Variants in PIP4K2B observed in about 807,000 individuals in gnomAD.
PIP4K2B encodes phosphatidylinositol 5-phosphate 4-kinase type-2 beta.
In PIP4K2B, 3 loss-of-function variants were observed where a neutral mutation model predicts 42.0. The ratio of observed to expected loss-of-function variants is 0.07; its 90% CI spans 0.03 to 0.18. The LOEUF is 0.18. Among genes scored for constraint, PIP4K2B ranks in the 10% least tolerant of loss-of-function variants. The pLI, the probability that PIP4K2B is intolerant of heterozygous loss-of-function variation, is 1.00. For missense variants in PIP4K2B, 332 were observed against 562.3 expected (o/e 0.59, Z 4.14); for synonymous variants, 204 against 210.1 (o/e 0.97, Z 0.25).
chr17:38,782,051 C>T (rs1909747133), intron 3 of PIP4K2B, among the ~76,000 whole-genome samples: 1 of 152,162 alleles, frequency 6.6e-6, no homozygotes. Flanking sequence ...GGACCACCTT[C>T]ATGGGGAAAA....
At chr17:38,785,394 G>A (rs1249988209) in intron 2 of PIP4K2B, among the ~76,000 whole-genome samples, 3 of 152,210 alleles carry the variant, frequency 2.0e-5, no homozygotes, top group African/African-American at 7.2e-5. Flanking sequence ...ATACAGGGCT[G>A]GGCAAGGTGG....
chr17:38,788,561 T>C (rs1910167100), intron 1 of PIP4K2B, among the ~76,000 whole-genome samples: 2 of 151,544 alleles, frequency 1.3e-5, no homozygotes, highest in South Asian at 4.2e-4. Flanking sequence ...ACCCTCCTGA[T>C]AAAAGCAGGG....
intron 7 of PIP4K2B, among the ~76,000 whole-genome samples, chr17:38,777,273 T>C (rs893085703): frequency 1.3e-5 from 2 of 152,090 alleles, no homozygotes; most frequent in African/African-American, 2.4e-5. Flanking sequence ...CTATGTTGCC[T>C]AGGCTGGTAT....
chr17:38,793,037 T>G (rs1218481540), intron 1 of PIP4K2B, among the ~76,000 whole-genome samples: 1 of 152,022 alleles, frequency 6.6e-6, no homozygotes, highest in East Asian at 1.9e-4. Flanking sequence ...CAAGCCATTC[T>G]CCTGCCTCAG....
chr17:38,786,689 T>G (rs770827249), intron 2 of PIP4K2B, 134 bp downstream of exon 2: 43 of 712,930 alleles, frequency 6.0e-5, no homozygotes, highest in South Asian at 3.1e-4. Flanking sequence ...GTTTGTCCGC[T>G]CTGAGATCCA....
In PIP4K2B at chr17:38,799,032, G is replaced by A. The variant is rs1014140799; in HGVS notation, c.159+234C>T. Among the ~76,000 whole-genome samples, 3 of 152,232 alleles carry A rather than the reference G, an allele frequency of 2.0e-5. No homozygotes were observed. Among genetic ancestry groups the A allele is most frequent in the Admixed American group, 2.0e-4 (3 of 15,292 alleles). On this transcript the variant is annotated intron_variant, in intron 1 of 9. Coordinates refer to ENST00000619039, the MANE Select transcript of PIP4K2B (RefSeq NM_003559.5). This position sits in a 1 kb window ranked among gnomAD's most constrained non-coding sequence, Gnocchi z 4.4. ...GCACGCCACACGCAGGAAGCCAGAA[G>A]GGCTGGAGGGAAGGGGAGGTGGCGA...
intron 1 of PIP4K2B, among the ~76,000 whole-genome samples, chr17:38,796,948 CTCT>C (rs1910687219): frequency 6.6e-6 from 1 of 152,128 alleles, no homozygotes; most frequent in Non-Finnish European, 1.5e-5. Context: ...CAAGATTACA[CTCT>C]TCTTCTAGGC....
chr17:38,774,988 C>T lies in PIP4K2B; in HGVS notation c.807+2699G>A, dbSNP rs1315668096. 3.3e-5 allele frequency among the ~76,000 whole-genome samples: 5 copies of T among 151,640 alleles called. No individual in the cohort carries two copies. The South Asian group carries it at 8.3e-4, about 25-fold the overall frequency. On this transcript the variant is annotated intron_variant, in intron 7 of 9. Coordinates refer to ENST00000619039, the MANE Select transcript of PIP4K2B (RefSeq NM_003559.5). ...TTTTTGAGATGAGGTCTCGTTCTGT[C>T]GCCCAGGCTGGAGTGCAGTGGCACG...
At chr17:38,779,719 T>C (rs1909591590) in intron 4 of PIP4K2B, 190 bp from the exon 5 acceptor site, 1 of 544,456 alleles carries the variant, frequency 1.8e-6, no homozygotes, top group Non-Finnish European at 3.3e-6. Flanking sequence ...ACCTCCAGCC[T>C]CCTGTTGGCA....
intron 7 of PIP4K2B, among the ~76,000 whole-genome samples, chr17:38,774,209 G>A (rs1160663849): frequency 6.6e-6 from 1 of 152,228 alleles, no homozygotes; most frequent in Admixed American, 6.5e-5. Context: ...GGGTGTGTCT[G>A]TGAGGGTTTC....
chr17:38,793,668 C>T (rs1320259530), intron 1 of PIP4K2B, among the ~76,000 whole-genome samples: 2 of 152,118 alleles, frequency 1.3e-5, no homozygotes, highest in African/African-American at 2.4e-5. Context: ...CCCAGGATTT[C>T]GAGACCAGCC....
chr17:38,799,136 TG>T lies in PIP4K2B; in HGVS notation c.159+129del. On this transcript the variant is annotated intron_variant, in intron 1 of 9. Coordinates refer to ENST00000619039, the MANE Select transcript of PIP4K2B (RefSeq NM_003559.5). The surrounding 1 kb of genome is among the most constrained non-coding windows in gnomAD (Gnocchi z 4.4). The stretch of plus-strand genomic sequence containing the variant: ...GGCCGAAAGGCGTGCAAGGGTGGGG[TG>T]GGCGTGCAAGTGGCTTGGCGAGGGG... The T allele has an allele frequency of 1.1e-6, 1 of 912,530 alleles. No individual in the cohort carries two copies. The highest frequency in any genetic ancestry group is 1.5e-6 in the Non-Finnish European group (1 of 653,632). The allele number at this position is 912,530 out of a possible 1,614,324, so 56.5% of individuals were successfully genotyped here.
intron 2 of PIP4K2B, among the ~76,000 whole-genome samples, chr17:38,785,335 T>C (rs927934046): frequency 6.6e-6 from 1 of 152,182 alleles, no homozygotes; most frequent in Non-Finnish European, 1.5e-5. Context: ...CTATCTGCCT[T>C]ATCTACCCCG....
Position 38,799,341 on chromosome 17 carries a change from G to T in PIP4K2B, c.84C>A (p.Phe28Leu). ...GGAATAGCTTCACTTTCTGGCACAC[G>T]AAATGCTTCTTCTTGGTCTTGGTCT... ...ASKTKTKKKH[F>L]VCQKVKLFRA... Residue 28 changes from phenylalanine to leucine, a missense_variant, in exon 1 of 10, where the codon TTC (phenylalanine) becomes TTA (leucine). By Grantham distance (22) the Phe-to-Leu change is conservative. Transcript: ENST00000619039. This position sits in a 1 kb window ranked among gnomAD's most constrained non-coding sequence, Gnocchi z 4.4. 6.2e-7 allele frequency: 1 copy of T among 1,609,682 alleles called. No homozygotes were observed. Among genetic ancestry groups the T allele is most frequent in the Non-Finnish European group, 8.5e-7 (1 of 1,178,390 alleles).
Position 38,799,520 on chromosome 17 carries a change from C to T in PIP4K2B, c.-96G>A. 3.0e-6 allele frequency: 4 copies of T among 1,341,942 alleles called. No individual in the cohort carries two copies. The highest frequency in any genetic ancestry group is 1.5e-5 in the African/African-American group (1 of 64,806). 83.1% of individuals were successfully genotyped at this position (1,341,942 alleles called of 1,614,324 possible). A position where few individuals can be genotyped will look rare whatever the true frequency, so the allele number is the denominator to read the frequency against. On this transcript the variant is annotated 5_prime_UTR_variant, in exon 1 of 10. Transcript: ENST00000619039. This position sits in a 1 kb window ranked among gnomAD's most constrained non-coding sequence, Gnocchi z 4.4. ...CCTCCCCCGGACCGATCCCCACCCC[C>T]GCTCCCTCACCGCGCCATGGTCGCG...
rs764813322 is a variant in PIP4K2B at position 38,769,653 on chromosome 17, T to C, written c.*38A>G. On this transcript the variant is annotated 3_prime_UTR_variant, in exon 10 of 10. Transcript: ENST00000619039. Reference sequence around the variant, plus strand: ...CCCTAACTCCCGATCCCCGACCCCATATCCAGCTCTCTGGCTCTGGCTGAA... The same window carrying C: ...CCCTAACTCCCGATCCCCGACCCCACATCCAGCTCTCTGGCTCTGGCTGAA... The C allele has an allele frequency of 3.4e-6, 4 of 1,188,328 alleles. No homozygotes were observed. Among genetic ancestry groups the C allele is most frequent in the East Asian group, 2.4e-5 (1 of 41,868 alleles). 73.6% of individuals were successfully genotyped at this position (1,188,328 alleles called of 1,614,324 possible). A position where few individuals can be genotyped will look rare whatever the true frequency, so the allele number is the denominator to read the frequency against.
Position 38,768,527 on chromosome 17 carries a change from T to C in PIP4K2B, c.*1164A>G, listed in dbSNP as rs1160192718. 1.3e-5 allele frequency: 2 copies of C among 152,354 alleles called. No individual in the cohort carries two copies. Among genetic ancestry groups the C allele is most frequent in the Admixed American group, 6.5e-5 (1 of 15,276 alleles). The allele number at this position is 152,354 out of a possible 1,614,324, so 9.4% of individuals were successfully genotyped here. On this transcript the variant is annotated 3_prime_UTR_variant, in exon 10 of 10. Transcript: ENST00000619039. ...CACGTTTGGACACCACACTCTAAGATGGGGGCACCTTGCTGGCTGTAACTC... is the reference window on the plus strand; with the variant it reads ...CACGTTTGGACACCACACTCTAAGACGGGGGCACCTTGCTGGCTGTAACTC...
At chr17:38,769,876 A>G in intron 9 of PIP4K2B, 105 bp from the exon 10 acceptor site, 1 of 1,021,844 alleles carries the variant, frequency 9.8e-7, no homozygotes, top group East Asian at 2.4e-5. Flanking sequence ...TCAGTATCAG[A>G]GCTGAATACC....
At position 38,786,763 on chromosome 17, in the gene PIP4K2B, C is replaced by T. The variant is rs537614088; in HGVS notation, c.257+60G>A. On this transcript the variant is annotated intron_variant, in intron 2 of 9. Transcript: ENST00000619039. ...CCCACCATGCATGAGGCTTCAGAAGCCTCTGACTTGAGGGAAAGGACTGCC... is the reference window on the plus strand; with the variant it reads ...CCCACCATGCATGAGGCTTCAGAAGTCTCTGACTTGAGGGAAAGGACTGCC... 4 of 1,070,334 alleles carry T rather than the reference C, an allele frequency of 3.7e-6. No individual in the cohort carries two copies. The African/African-American group carries it at 4.6e-5, about 12-fold the overall frequency. 66.3% of individuals were successfully genotyped at this position (1,070,334 alleles called of 1,614,324 possible).
Sources: allele counts gnomAD v4.1 joint callset (sites outside exome capture counted in the v4.1 genomes callset), GRCh38; gene constraint gnomAD v4.1.1; non-coding constraint Gnocchi (gnomAD v3.1); transcripts MANE v1.5; gene names NCBI Gene and HGNC (gene_info 2026-07-23, HGNC 2026-07-21).